APBA2: variants seen among roughly 807,000 people sequenced by gnomAD.
The protein encoded by APBA2 is amyloid beta precursor protein binding family A member 2, also known as amyloid-beta A4 precursor protein-binding family A member 2.
A neutral mutation model predicts 75.0 loss-of-function variants in APBA2; 30 were observed. The observed-to-expected ratio is 0.40, with a 90% confidence interval of 0.30 to 0.54. APBA2 has a LOEUF of 0.54. Ranked by LOEUF, APBA2 falls within the 20% of genes least tolerant of loss-of-function variation. The pLI is 0.49. For missense variants in APBA2, 801 were observed against 1,016.1 expected (o/e 0.79, Z 2.88); for synonymous variants, 444 against 409.6 (o/e 1.08, Z -1.01).
At chr15:28,941,290 C>G (rs1013487165) in intron 2 of APBA2, among the ~76,000 whole-genome samples, 1 of 152,068 alleles carries the variant, frequency 6.6e-6, no homozygotes, top group Non-Finnish European at 1.5e-5. Flanking sequence ...CTGCTGACAT[C>G]TCAGGAAGGG....
chr15:28,996,835 C>A (rs532809087), intron 3 of APBA2, among the ~76,000 whole-genome samples: 6 of 152,294 alleles, frequency 3.9e-5, no homozygotes, highest in South Asian at 2.1e-4. Flanking sequence ...GAACACCCCC[C>A]CTGCCTGACC....
At chr15:29,052,694 CAG>C (rs375413042) in intron 3 of APBA2, among the ~76,000 whole-genome samples, 3 of 152,206 alleles carry the variant, frequency 2.0e-5, no homozygotes, top group African/African-American at 7.2e-5. Flanking sequence ...GTTGCTATAA[CAG>C]AATACCTAAG....
At chr15:29,039,197 C>T (rs1256733730) in intron 3 of APBA2, among the ~76,000 whole-genome samples, 1 of 149,364 alleles carries the variant, frequency 6.7e-6, no homozygotes, top group South Asian at 2.1e-4. Flanking sequence ...TTCCCTAAGG[C>T]CCACCAGGGA....
At chr15:28,997,588 A>T (rs2038597444) in intron 3 of APBA2, among the ~76,000 whole-genome samples, 1 of 152,158 alleles carries the variant, frequency 6.6e-6, no homozygotes, top group Admixed American at 6.5e-5. Context: ...GTCTTCTGGG[A>T]GCCCAGGGTT....
At chr15:28,914,572 C>T (rs1205765907) in intron 1 of APBA2, among the ~76,000 whole-genome samples, 1 of 152,042 alleles carries the variant, frequency 6.6e-6, no homozygotes, top group African/African-American at 2.4e-5. Flanking sequence ...TCCTCCCGTG[C>T]AGTGCATGTC....
intron 2 of APBA2, among the ~76,000 whole-genome samples, chr15:28,964,613 G>C (rs1056115612): frequency 6.6e-6 from 1 of 151,198 alleles, no homozygotes; most frequent in Non-Finnish European, 1.5e-5. Flanking sequence ...TCAGCCTCCC[G>C]AGTAGCTGGG....
chr15:28,979,719 T>G (rs72625150), intron 2 of APBA2, among the ~76,000 whole-genome samples: 21,177 of 152,028 alleles, frequency 0.14, 4,382 homozygotes, highest in African/African-American at 0.45. Flanking sequence ...GCAGCCAAGT[T>G]GGGGGTGAGA....
chr15:28,949,998 C>G (rs753212752), intron 2 of APBA2, among the ~76,000 whole-genome samples: 5 of 152,008 alleles, frequency 3.3e-5, no homozygotes, highest in Admixed American at 6.5e-5. Flanking sequence ...TGTTTTTTTT[C>G]TGTCCCAGGA....
chr15:29,021,494 C>T (rs892533208), intron 3 of APBA2, among the ~76,000 whole-genome samples: 6 of 152,200 alleles, frequency 3.9e-5, no homozygotes, highest in Non-Finnish European at 7.3e-5. Context: ...TGCCACTGCA[C>T]TCCAAAAAGC....
intron 2 of APBA2, among the ~76,000 whole-genome samples, chr15:28,929,751 C>G (rs1384341984): frequency 6.6e-6 from 1 of 152,158 alleles, no homozygotes; most frequent in East Asian, 1.9e-4. Flanking sequence ...CCAATTTGCC[C>G]CCATTATCCA....
chr15:29,049,082 G>T (rs1460413558), intron 3 of APBA2, among the ~76,000 whole-genome samples: 1 of 152,168 alleles, frequency 6.6e-6, no homozygotes, highest in Non-Finnish European at 1.5e-5. Context: ...ATGAGAAACA[G>T]AATAGTCTAT....
intron 3 of APBA2, among the ~76,000 whole-genome samples, chr15:29,034,236 A>G (rs1036009147): frequency 5.9e-5 from 9 of 152,342 alleles, no homozygotes; most frequent in Admixed American, 4.6e-4. Flanking sequence ...CTCAATATCT[A>G]GCCTTCCCAG....
rs140750322 is a variant in APBA2 at position 29,039,555 on chromosome 15, G to A, written c.-40-14290G>A. Among the ~76,000 whole-genome samples the A allele has an allele frequency of 2.6e-3, 397 of 152,180 alleles. 2 individuals carry two copies. The highest frequency in any genetic ancestry group is 9.1e-3 in the African/African-American group (379 of 41,516). ...AGAAATTCTGACCTCATGGAGCTGG[G>A]GCAGGATCCAGGAATTGATATTTTT... On this transcript the variant is annotated intron_variant, in intron 3 of 14. Transcript: ENST00000683413.
chr15:29,109,161 T>C (rs560849273), intron 13 of APBA2, among the ~76,000 whole-genome samples: 13 of 151,178 alleles, frequency 8.6e-5, no homozygotes, highest in African/African-American at 3.2e-4. Flanking sequence ...GGAGTGGGAG[T>C]TTTGTGGAGG....
intron 1 of APBA2, among the ~76,000 whole-genome samples, chr15:28,886,529 G>A (rs2031739061): frequency 6.6e-6 from 1 of 151,546 alleles, no homozygotes; most frequent in Non-Finnish European, 1.5e-5. Context: ...GCGGGGCGGG[G>A]ACCAGGCGGC....
chr15:29,117,132 A>G lies in APBA2; in HGVS notation c.2249A>G (p.Ter750TrpextTer28), dbSNP rs2045231409. Residue 750 changes from the stop codon to tryptophan (W), a stop_lost, in exon 15 of 15, where the codon TAG (stop) becomes TGG (tryptophan). Transcript: ENST00000683413. ...GGTCAGGAGACCCCGCTGTACATCT[A>G]GGCCACCCCAGCCTGGCCACGCAGC... ...LTGQETPLYI[*>W] 1 of 1,612,756 alleles carries G rather than the reference A, an allele frequency of 6.2e-7. No homozygotes were observed. The highest frequency in any genetic ancestry group is 8.5e-7 in the Non-Finnish European group (1 of 1,179,842).
At chr15:29,114,152 G>A in intron 14 of APBA2, 136 bp downstream of exon 14, 2 of 1,324,704 alleles carry the variant, frequency 1.5e-6, no homozygotes, top group Non-Finnish European at 2.1e-6. Context: ...CGGGGCTGCT[G>A]TGACAAGGGT....
At chr15:28,912,112 G>A (rs2033457656) in intron 1 of APBA2, among the ~76,000 whole-genome samples, 1 of 151,862 alleles carries the variant, frequency 6.6e-6, no homozygotes. Flanking sequence ...GAGATATTTT[G>A]ACTTCTATTA....
intron 4 of APBA2, 127 bp from the exon 5 acceptor site, chr15:29,074,794 C>T (rs555866492): frequency 1.3e-6 from 1 of 757,784 alleles, no homozygotes; most frequent in Admixed American, 2.0e-5. Flanking sequence ...GACGTCTGCA[C>T]ACACACCTAT....
Sources: allele counts gnomAD v4.1 joint callset (sites outside exome capture counted in the v4.1 genomes callset), GRCh38; gene constraint gnomAD v4.1.1; transcripts MANE v1.5; gene names NCBI Gene and HGNC (gene_info 2026-07-23, HGNC 2026-07-21).